The following DGKI variants were observed in gnomAD, a reference collection of about 807,000 sequenced individuals.
The protein encoded by DGKI is diacylglycerol kinase iota, also known as DAG kinase iota.
Under a neutral mutation model 147.5 loss-of-function variants are expected in DGKI, and 55 were observed. The observed-to-expected ratio is 0.37, with a 90% CI of 0.30 to 0.47. The LOEUF is 0.47. Among genes scored for constraint, DGKI ranks in the 20% least tolerant of loss-of-function variants. The pLI, the probability that DGKI is intolerant of heterozygous loss-of-function variation, is 1.00. For synonymous variants in DGKI, 469 were observed against 477.1 expected (o/e 0.98, Z 0.22); for missense variants, 1,007 against 1,323.8 (o/e 0.76, Z 3.71).
intron 1 of DGKI, among the ~76,000 whole-genome samples, chr7:137,718,656 A>G (rs542015437): frequency 6.6e-6 from 1 of 152,324 alleles, no homozygotes; most frequent in Non-Finnish European, 1.5e-5. Flanking sequence ...AATGTGGACA[A>G]CATAAGAAAA....
intron 1 of DGKI, among the ~76,000 whole-genome samples, chr7:137,772,374 G>A (rs4732267): frequency 6.6e-6 from 1 of 151,904 alleles, no homozygotes; most frequent in Admixed American, 6.6e-5. Flanking sequence ...AGAGCTATTC[G>A]TGATTCACCC....
intron 1 of DGKI, among the ~76,000 whole-genome samples, chr7:137,726,351 G>A (rs1035928076): frequency 5.3e-5 from 8 of 152,044 alleles, no homozygotes; most frequent in Non-Finnish European, 1.0e-4. Flanking sequence ...GCTTCTGATC[G>A]ATTTCTCCTG....
intron 1 of DGKI, among the ~76,000 whole-genome samples, chr7:137,698,047 T>G (rs1184690631): frequency 6.6e-6 from 1 of 151,160 alleles, no homozygotes; most frequent in East Asian, 1.9e-4. Context: ...TAGATACAGA[T>G]ATATATAGAT....
intron 27 of DGKI, among the ~76,000 whole-genome samples, chr7:137,456,238 TG>T (rs1814200802): frequency 6.6e-6 from 1 of 152,214 alleles, no homozygotes; most frequent in Non-Finnish European, 1.5e-5. Context: ...GTGAATTCCC[TG>T]GATCCAGCAT....
In DGKI at chr7:137,784,895, T is replaced by A. The variant is rs377011339; in HGVS notation, c.401+61567A>T. On this transcript the variant is annotated intron_variant, in intron 1 of 32. Coordinates refer to ENST00000614521, the MANE Select transcript of DGKI (RefSeq NM_001321708.2). The stretch of plus-strand genomic sequence containing the variant: ...TGATCACTGGGTAAACAAATCACGA[T>A]GGAAATTAAAAAATTATTTGAACTG... Among the ~76,000 whole-genome samples, 11 of 151,732 alleles carry A rather than the reference T, an allele frequency of 7.2e-5. No individual in the cohort carries two copies. In the East Asian group the frequency reaches 9.7e-4, roughly 13 times the overall value.
chr7:137,663,739 A>G lies in DGKI; in HGVS notation c.607-7199T>C, dbSNP rs1303397623. On this transcript the variant is annotated intron_variant, in intron 3 of 32. Coordinates refer to ENST00000614521, the MANE Select transcript of DGKI (RefSeq NM_001321708.2). ...AGAAGGGGAAACAGAACTACGCCCC[A>G]GAAGCCATGGGGTTCAAAATTACAG... Among the ~76,000 whole-genome samples the G allele has an allele frequency of 4.6e-5, 7 of 152,330 alleles. 1 individual carries two copies. The highest frequency in any genetic ancestry group is 1.7e-4 in the African/African-American group (7 of 41,576).
intron 6 of DGKI, among the ~76,000 whole-genome samples, chr7:137,636,041 G>A (rs113374346): frequency 8.5e-5 from 13 of 152,344 alleles, no homozygotes; most frequent in African/African-American, 2.9e-4. Context: ...ATCCTGACAG[G>A]AGTAATTGAT....
intron 1 of DGKI, among the ~76,000 whole-genome samples, chr7:137,694,180 G>A (rs1174815972): frequency 2.0e-5 from 3 of 152,058 alleles, no homozygotes; most frequent in Non-Finnish European, 4.4e-5. Context: ...AATTAGCCGG[G>A]CGAGGTGGCG....
intron 1 of DGKI, among the ~76,000 whole-genome samples, chr7:137,696,461 T>TTTTTTTTTTTTTTTTTTTTG (rs1554459920): frequency 9.2e-6 from 1 of 109,074 alleles, no homozygotes; most frequent in South Asian, 3.8e-4. Flanking sequence ...TTTTTTTTTT[T>TTTTTTTTTTTTTTTTTTTTG]TTGCTTAATG....
At chr7:137,505,008 A>G (rs1585179384) in intron 21 of DGKI, among the ~76,000 whole-genome samples, 2 of 151,818 alleles carry the variant, frequency 1.3e-5, no homozygotes, top group Admixed American at 6.6e-5. Context: ...CCATCATTCT[A>G]AGCAAACTAT....
intron 23 of DGKI, among the ~76,000 whole-genome samples, chr7:137,471,315 G>T (rs886315766): frequency 6.6e-6 from 1 of 152,138 alleles, no homozygotes; most frequent in Admixed American, 6.6e-5. Flanking sequence ...CAGCAATAAA[G>T]ACTTGGCAGC....
intron 12 of DGKI, among the ~76,000 whole-genome samples, chr7:137,591,939 T>C (rs930633435): frequency 7.2e-5 from 11 of 152,168 alleles, no homozygotes; most frequent in East Asian, 1.9e-4. Flanking sequence ...TTTTGCAGAC[T>C]GTAAAGAACA....
At chr7:137,543,808 A>G (rs1817778241) in intron 20 of DGKI, among the ~76,000 whole-genome samples, 1 of 152,196 alleles carries the variant, frequency 6.6e-6, no homozygotes, top group Admixed American at 6.5e-5. Context: ...AGCAAACACT[A>G]GTGTGTGAGT....
At chr7:137,422,180 T>A (rs1438714696) in intron 28 of DGKI, among the ~76,000 whole-genome samples, 1 of 152,214 alleles carries the variant, frequency 6.6e-6, no homozygotes, top group Non-Finnish European at 1.5e-5. Flanking sequence ...TAATTTGCTT[T>A]GAGCACTGGG....
At chr7:137,669,040 G>GTT (rs1013034931) in intron 3 of DGKI, among the ~76,000 whole-genome samples, 3 of 152,142 alleles carry the variant, frequency 2.0e-5, no homozygotes, top group African/African-American at 7.2e-5. Flanking sequence ...TTTTCCAGAT[G>GTT]TAAAACTTAG....
intron 1 of DGKI, among the ~76,000 whole-genome samples, chr7:137,706,138 T>C (rs1794013696): frequency 1.3e-5 from 2 of 151,880 alleles, no homozygotes; most frequent in African/African-American, 4.8e-5. Flanking sequence ...TAAAGATAAA[T>C]ATTTAAATAT....
intron 1 of DGKI, among the ~76,000 whole-genome samples, chr7:137,699,506 A>G (rs992402248): frequency 1.3e-5 from 2 of 152,330 alleles, no homozygotes; most frequent in East Asian, 3.9e-4. Context: ...ATGAATATGG[A>G]AATTGGAGAA....
At chr7:137,683,452 T>C (rs1823308945) in intron 2 of DGKI, among the ~76,000 whole-genome samples, 1 of 152,156 alleles carries the variant, frequency 6.6e-6, no homozygotes, top group South Asian at 2.1e-4. Context: ...CACAGCTCAC[T>C]GCAGCCTCAA....
chr7:137,644,866 C>A (rs1407598531), intron 6 of DGKI, among the ~76,000 whole-genome samples: 1 of 152,176 alleles, frequency 6.6e-6, no homozygotes, highest in Admixed American at 6.5e-5. Context: ...CACATGGAAT[C>A]TATGGCATTT....
Sources: allele counts gnomAD v4.1 joint callset (sites outside exome capture counted in the v4.1 genomes callset), GRCh38; gene constraint gnomAD v4.1.1; transcripts MANE v1.5; gene names NCBI Gene and HGNC (gene_info 2026-07-23, HGNC 2026-07-21).